MAPRE3: variants seen among roughly 807,000 people sequenced by gnomAD.
MAPRE3 encodes microtubule associated protein RP/EB family member 3, also known as microtubule-associated protein RP/EB family member 3.
Under a neutral mutation model 30.5 loss-of-function variants are expected in MAPRE3, and 2 were observed. The observed-to-expected ratio is 0.07, with a 90% CI of 0.03 to 0.21. MAPRE3 has a LOEUF of 0.21. Ranked by LOEUF, MAPRE3 falls within the 10% of genes least tolerant of loss-of-function variation. The probability of loss-of-function intolerance (pLI) is 1.00; values close to 1 mark genes in which losing one functional copy is unlikely to be tolerated. For synonymous variants in MAPRE3, 110 were observed against 127.7 expected (o/e 0.86, Z 0.93); for missense variants, 204 against 351.8 (o/e 0.58, Z 3.36).
At chr2:26,978,037 G>T (rs1208169759) in intron 1 of MAPRE3, among the ~76,000 whole-genome samples, 4 of 152,208 alleles carry the variant, frequency 2.6e-5, no homozygotes, top group Non-Finnish European at 5.9e-5. Context: ...CCAAATACTT[G>T]TCCTAGATGG....
chr2:27,009,621 A>C (rs995201558), intron 1 of MAPRE3, among the ~76,000 whole-genome samples: 13 of 152,222 alleles, frequency 8.5e-5, no homozygotes, highest in Non-Finnish European at 1.0e-4. Context: ...TCTAGATAAA[A>C]TAACTCCTTA....
chr2:26,998,683 G>T (rs532977277), intron 1 of MAPRE3, among the ~76,000 whole-genome samples: 186 of 152,276 alleles, frequency 1.2e-3, no homozygotes, highest in African/African-American at 4.3e-3. Flanking sequence ...TGTGTTAGAA[G>T]TATCTCCACA....
In MAPRE3 at chr2:27,001,567, C is replaced by T. The variant is rs79332017; in HGVS notation, c.-7-20645C>T. Among the ~76,000 whole-genome samples, 141 of 152,136 alleles carry T rather than the reference C, an allele frequency of 9.3e-4. 3 individuals are homozygous for T. The East Asian group carries it at 0.022, about 23-fold the overall frequency. ...TAGGCATATAATTGATAGATAGGTA[C>T]GTAGATCTAAACATAGAAAGGGTAC... On this transcript the variant is annotated intron_variant, in intron 1 of 6. Transcript: ENST00000233121.
rs1157660970 is a variant in MAPRE3, at chr2:27,024,253, G to A, written c.425G>A (p.Gly142Asp). The A allele has an allele frequency of 6.2e-7, 1 of 1,614,174 alleles. No homozygotes were observed. The highest frequency in any genetic ancestry group is 1.7e-5 in the Admixed American group (1 of 60,032). The change falls in exon 4 of 7, where the codon GGT (glycine) becomes GAT (aspartate). Residue 142 changes from glycine (G) to aspartate (D), a missense_variant. Physicochemically the swap from Gly to Asp is moderately conservative, Grantham distance 94 (BLOSUM62 -1). This residue lies in a region of MAPRE3 where 101 missense variants were observed against 205.4 expected (regional missense o/e 0.49). Transcript: ENST00000233121. ...GQDVAPPPNP[G>D]DQIFNKSKKL... Reference sequence around the variant, plus strand: ...GACGTAGCGCCACCTCCTAACCCAGGTGATCAGATCTTCAACAAATCCAAG... The same window carrying A: ...GACGTAGCGCCACCTCCTAACCCAGATGATCAGATCTTCAACAAATCCAAG...
At chr2:26,980,761 A>G (rs1003209547) in intron 1 of MAPRE3, among the ~76,000 whole-genome samples, 1 of 152,244 alleles carries the variant, frequency 6.6e-6, no homozygotes, top group Non-Finnish European at 1.5e-5. Context: ...GATCTAACCA[A>G]CTTTCAATTA....
At position 26,973,360 on chromosome 2, in the gene MAPRE3, T is replaced by C. The variant is rs111427006; in HGVS notation, c.-8+2558T>C. On this transcript the variant is annotated intron_variant, in intron 1 of 6. Transcript: ENST00000233121. ...ACATTGTGGGGTTGTATTTGTAAGA[T>C]GACTGGCTGGAGTTAGGCATAGTAG... 7.1e-3 allele frequency among the ~76,000 whole-genome samples: 1,084 copies of C among 152,280 alleles called. 7 individuals carry two copies. The highest frequency in any genetic ancestry group is 0.031 in the Middle Eastern group (9 of 294).
intron 1 of MAPRE3, among the ~76,000 whole-genome samples, chr2:26,983,291 A>AGCTTAG (rs1666153810): frequency 6.6e-6 from 1 of 152,162 alleles, no homozygotes; most frequent in Admixed American, 6.5e-5. Context: ...CTGGGTTCCA[A>AGCTTAG]GCTTAGGCTC....
intron 1 of MAPRE3, among the ~76,000 whole-genome samples, chr2:26,978,571 G>A (rs1044014228): frequency 6.6e-6 from 1 of 152,210 alleles, no homozygotes; most frequent in African/African-American, 2.4e-5. Flanking sequence ...ACACTCTTAA[G>A]TGACAGGATC....
At chr2:27,023,609 C>G (rs1667160213) in intron 3 of MAPRE3, 132 bp downstream of exon 3, 1 of 1,093,354 alleles carries the variant, frequency 9.1e-7, no homozygotes, top group East Asian at 2.5e-5. Flanking sequence ...CCCGACTCTC[C>G]AGAGGGAATT....
intron 3 of MAPRE3, chr2:27,023,858 C>T (rs1341191902): frequency 1.7e-5 from 9 of 527,918 alleles, no homozygotes; most frequent in East Asian, 6.6e-5. Context: ...AGCCAAGGGA[C>T]GCCTCCCCAC....
At chr2:26,989,492 G>A (rs142196116) in intron 1 of MAPRE3, among the ~76,000 whole-genome samples, 172 of 152,286 alleles carry the variant, frequency 1.1e-3, no homozygotes, top group East Asian at 2.1e-3. Context: ...TAGGAAAGTC[G>A]GTTCCCCAGT....
intron 1 of MAPRE3, among the ~76,000 whole-genome samples, chr2:27,017,865 C>T (rs2148224660): frequency 6.6e-6 from 1 of 151,974 alleles, no homozygotes; most frequent in Non-Finnish European, 1.5e-5. Flanking sequence ...ATATATCATA[C>T]ACACACACAC....
intron 1 of MAPRE3, among the ~76,000 whole-genome samples, chr2:26,995,785 G>GTGTGTGTGTA (rs1321925514): frequency 2.2e-5 from 3 of 136,302 alleles, no homozygotes; most frequent in Non-Finnish European, 4.7e-5. Flanking sequence ...AGAGAGGTGT[G>GTGTGTGTGTA]TGTGTGTGTG....
chr2:26,981,278 G>A lies in MAPRE3; in HGVS notation c.-8+10476G>A, dbSNP rs541056335. ...GGGCACCAGGAATGGGTGTTGCTTG[G>A]CATGTTCAGGGCAAGGTTTCTGAGG... On this transcript the variant is annotated intron_variant, in intron 1 of 6. Coordinates refer to ENST00000233121, the MANE Select transcript of MAPRE3 (RefSeq NM_012326.4). 2.6e-5 allele frequency among the ~76,000 whole-genome samples: 4 copies of A among 152,184 alleles called. No homozygotes were observed. In the East Asian group the frequency reaches 7.8e-4, roughly 30 times the overall value.
chr2:27,020,384 A>G (rs1471840104), intron 1 of MAPRE3, among the ~76,000 whole-genome samples: 1 of 152,162 alleles, frequency 6.6e-6, no homozygotes, highest in East Asian at 1.9e-4. Context: ...TTCTTCACTC[A>G]CTCCAGAAAC....
intron 1 of MAPRE3, among the ~76,000 whole-genome samples, chr2:27,010,633 G>A (rs532806417): frequency 1.8e-3 from 275 of 151,952 alleles, no homozygotes; most frequent in Non-Finnish European, 3.3e-3. Context: ...AGTAGGGGTG[G>A]GGTTTTGCCA....
intron 1 of MAPRE3, among the ~76,000 whole-genome samples, chr2:26,991,029 G>A (rs1312596516): frequency 3.3e-5 from 5 of 152,168 alleles, no homozygotes; most frequent in East Asian, 1.9e-4. Context: ...CGAGGCGGGC[G>A]GATCACGAGG....
chr2:26,995,265 A>C (rs1666427326), intron 1 of MAPRE3, among the ~76,000 whole-genome samples: 1 of 152,160 alleles, frequency 6.6e-6, no homozygotes, highest in Non-Finnish European at 1.5e-5. Flanking sequence ...TATTAGTCAT[A>C]ATCACAGAGG....
rs755530207 is a variant in MAPRE3, at chr2:27,015,825, G to A, written c.-7-6387G>A. Among the ~76,000 whole-genome samples, 9 of 152,064 alleles carry A rather than the reference G, an allele frequency of 5.9e-5. No individual in the cohort carries two copies. Among genetic ancestry groups the A allele is most frequent in the Admixed American group, 3.3e-4 (5 of 15,268 alleles). ...CCTAGATCTAAGTGCAGTCCTAATCGCCTGGGAAGGAAGCAGATGGTCTCT... is the reference window on the plus strand; with the variant it reads ...CCTAGATCTAAGTGCAGTCCTAATCACCTGGGAAGGAAGCAGATGGTCTCT... On this transcript the variant is annotated intron_variant, in intron 1 of 6. Transcript: ENST00000233121. The surrounding 1 kb of genome is among the most constrained non-coding windows in gnomAD (Gnocchi z 4.0).
Sources: allele counts gnomAD v4.1 joint callset (sites outside exome capture counted in the v4.1 genomes callset), GRCh38; gene constraint gnomAD v4.1.1; regional missense constraint gnomAD v4.1.1; non-coding constraint Gnocchi (gnomAD v3.1); transcripts MANE v1.5; gene names NCBI Gene and HGNC (gene_info 2026-07-23, HGNC 2026-07-21).